GFRA1: variants seen among roughly 807,000 people sequenced by gnomAD.
GFRA1 encodes GDNF family receptor alpha-1.
A neutral mutation model predicts 51.6 loss-of-function variants in GFRA1; 16 were observed. The observed-to-expected ratio is 0.31, with a 90% CI of 0.21 to 0.47. GFRA1 has a LOEUF of 0.47. GFRA1 is among the 20% of genes least tolerant of loss of function. GFRA1 has a pLI of 1.00. For synonymous variants in GFRA1, 270 were observed against 241.3 expected (o/e 1.12, Z -1.10); for missense variants, 530 against 594.3 (o/e 0.89, Z 1.13).
intron 6 of GFRA1, among the ~76,000 whole-genome samples, chr10:116,115,530 AC>A (rs2133983270): frequency 6.6e-6 from 1 of 151,962 alleles, no homozygotes; most frequent in Admixed American, 6.5e-5. Context: ...TCCTTAAGTC[AC>A]TGAATGCTAA....
chr10:116,161,523 A>C (rs1035540332), intron 5 of GFRA1, among the ~76,000 whole-genome samples: 1 of 152,164 alleles, frequency 6.6e-6, no homozygotes, highest in African/African-American at 2.4e-5. Flanking sequence ...TCCCCACCCA[A>C]ATTTCACCTT....
At chr10:116,167,059 A>G (rs1016247321) in intron 5 of GFRA1, among the ~76,000 whole-genome samples, 1 of 152,000 alleles carries the variant, frequency 6.6e-6, no homozygotes, top group Non-Finnish European at 1.5e-5. Context: ...TCGGCCTCCC[A>G]AAGTGCTGGG....
intron 5 of GFRA1, among the ~76,000 whole-genome samples, chr10:116,153,422 T>C (rs1284125553): frequency 6.6e-6 from 1 of 152,218 alleles, no homozygotes; most frequent in African/African-American, 2.4e-5. Context: ...GGTTACCTGG[T>C]CAGGGTCAAG....
intron 4 of GFRA1, among the ~76,000 whole-genome samples, chr10:116,265,921 C>T (rs189302653): frequency 1.7e-3 from 264 of 152,286 alleles, no homozygotes; most frequent in African/African-American, 6.0e-3. Context: ...CAAAGGCTTC[C>T]GCTCTCAGGT....
rs114837210 is a variant in GFRA1 at position 116,068,062 on chromosome 10, C to T, written c.1198-2436G>A. 5.5e-3 allele frequency among the ~76,000 whole-genome samples: 840 copies of T among 152,280 alleles called. 6 individuals are homozygous for T. Among genetic ancestry groups the T allele is most frequent in the African/African-American group, 0.019 (800 of 41,546 alleles). On this transcript the variant is annotated intron_variant, in intron 9 of 10. Coordinates refer to ENST00000355422, the MANE Select transcript of GFRA1 (RefSeq NM_005264.8). ...GCTCATCTTGCCTGGGGGACCACTC[C>T]GATTGGCATAACTGGAAGAACTGCT...
chr10:116,197,193 T>C (rs1963951379), intron 5 of GFRA1, among the ~76,000 whole-genome samples: 1 of 152,014 alleles, frequency 6.6e-6, no homozygotes, highest in Non-Finnish European at 1.5e-5. Flanking sequence ...GTGGGGGCTT[T>C]GGGAGGTGAT....
At chr10:116,242,576 G>A (rs1589903479) in intron 4 of GFRA1, among the ~76,000 whole-genome samples, 2 of 151,948 alleles carry the variant, frequency 1.3e-5, no homozygotes, top group South Asian at 4.2e-4. Flanking sequence ...CTGACTCCCG[G>A]GTTCAAGCAA....
chr10:116,120,589 A>G lies in GFRA1; in HGVS notation c.770+4632T>C, dbSNP rs112258062. 7.9e-5 allele frequency among the ~76,000 whole-genome samples: 12 copies of G among 152,292 alleles called. 1 individual carries two copies. Among genetic ancestry groups the G allele is most frequent in the African/African-American group, 2.9e-4 (12 of 41,562 alleles). On this transcript the variant is annotated intron_variant, in intron 6 of 10. Transcript: ENST00000355422. ...AACAGAATGAGACTCTGTCTCTAAA[A>G]AATAATAATTAAATAAAAGAAAAAA...
At position 116,060,191 on chromosome 10, in the gene GFRA1, T is replaced by TG. The variant is rs1318814297; in HGVS notation, c.*4206dup. ...TTCTAGACAACAGACTTAAAACAAA[T>TG]GGTCACTTGAGAAGCAGAGCCGTGT... is the stretch of plus-strand genomic sequence containing the variant. On this transcript the variant is annotated 3_prime_UTR_variant, in exon 11 of 11. Transcript: ENST00000355422. 1 of 152,128 alleles carries TG rather than the reference T, an allele frequency of 6.6e-6. No individual in the cohort carries two copies. Among genetic ancestry groups the TG allele is most frequent in the Non-Finnish European group, 1.5e-5 (1 of 68,024 alleles). The allele number at this position is 152,128 out of a possible 1,614,324, so 9.4% of individuals were successfully genotyped here.
intron 5 of GFRA1, 58 bp downstream of exon 5, chr10:116,211,573 C>A (rs978897878): frequency 6.9e-7 from 1 of 1,459,382 alleles, no homozygotes; most frequent in African/African-American, 1.4e-5. Flanking sequence ...ACAGACCATA[C>A]CCATGTTCCC....
chr10:116,269,142 A>C (rs1348478169), intron 4 of GFRA1, among the ~76,000 whole-genome samples: 3 of 152,194 alleles, frequency 2.0e-5, no homozygotes, highest in Non-Finnish European at 2.9e-5. Flanking sequence ...CCAGGGAGGC[A>C]CTATGTAAGG....
At chr10:116,232,359 C>T (rs569535573) in intron 4 of GFRA1, among the ~76,000 whole-genome samples, 1 of 152,214 alleles carries the variant, frequency 6.6e-6, no homozygotes, top group African/African-American at 2.4e-5. Context: ...ATTTTAGTGC[C>T]TCGACTTCCC....
chr10:116,077,233 AG>A (rs564424675), intron 9 of GFRA1, among the ~76,000 whole-genome samples: 14 of 152,200 alleles, frequency 9.2e-5, no homozygotes, highest in Non-Finnish European at 1.6e-4. Flanking sequence ...ATAGGAGATT[AG>A]GGATAAAAGA....
At chr10:116,228,980 CAAAAAAAAAAAAAAAA>C (rs57618028) in intron 4 of GFRA1, among the ~76,000 whole-genome samples, 3 of 52,870 alleles carry the variant, frequency 5.7e-5, no homozygotes, top group Non-Finnish European at 6.8e-5. Context: ...TACTCCATCT[CAAAAAAAAAAAAAAAA>C]AAAAAAAAAA....
chr10:116,134,311 GTTC>G (rs1452174054), intron 5 of GFRA1, among the ~76,000 whole-genome samples: 3 of 152,212 alleles, frequency 2.0e-5, no homozygotes, highest in African/African-American at 4.8e-5. Context: ...TATAACTACT[GTTC>G]TTCTTCTAAT....
chr10:116,064,234 T>G lies in GFRA1; in HGVS notation c.*164A>C, dbSNP rs1463418392. The G allele has an allele frequency of 1.7e-5, 11 of 640,518 alleles. No individual in the cohort carries two copies. The highest frequency in any genetic ancestry group is 3.0e-5 in the Non-Finnish European group (11 of 368,402). The allele number at this position is 640,518 out of a possible 1,614,324, so 39.7% of individuals were successfully genotyped here. On this transcript the variant is annotated 3_prime_UTR_variant, in exon 11 of 11. Transcript: ENST00000355422. ...GGTTTTTCACAGAAGCCCCAAAGGA[T>G]CACAAGAAGCTTTCTTAAAAGGAAA...
At chr10:116,090,038 G>A (rs1956268961) in intron 8 of GFRA1, 116 bp from the exon 9 acceptor site, 3 of 950,256 alleles carry the variant, frequency 3.2e-6, no homozygotes, top group East Asian at 2.6e-5. Flanking sequence ...GGACTTCTCT[G>A]AACAAAACGC....
At chr10:116,171,863 T>C (rs1449648895) in intron 5 of GFRA1, among the ~76,000 whole-genome samples, 1 of 152,166 alleles carries the variant, frequency 6.6e-6, no homozygotes, top group African/African-American at 2.4e-5. Context: ...GGAGTCCTCA[T>C]GAGAGGTCAC....
chr10:116,240,491 A>G (rs1268596411), intron 4 of GFRA1, among the ~76,000 whole-genome samples: 1 of 152,216 alleles, frequency 6.6e-6, no homozygotes, highest in Non-Finnish European at 1.5e-5. Context: ...TTTCTTTTGA[A>G]GGGTGTGAGT....
Sources: gnomAD v4.1 joint callset for allele counts (sites outside exome capture counted in the v4.1 genomes callset) on GRCh38, gnomAD v4.1.1 for gene constraint, MANE v1.5 for transcripts, NCBI Gene and HGNC (gene_info 2026-07-23, HGNC 2026-07-21) for gene names.